ORC4: variants seen among roughly 807,000 people sequenced by gnomAD.
The protein encoded by ORC4 is origin recognition complex, subunit 4 homolog.
Under a neutral mutation model 63.9 loss-of-function variants are expected in ORC4, and 55 were observed. The ratio of observed to expected loss-of-function variants is 0.86; its 90% CI spans 0.69 to 1.08. ORC4 has a LOEUF of 1.08. ORC4 is among the 50% of genes least tolerant of loss of function. The pLI is 0.00. For missense variants in ORC4, 511 were observed against 504.4 expected, an observed-to-expected ratio of 1.01 and a Z score of -0.13; for synonymous variants, 150 against 168.5, an observed-to-expected ratio of 0.89 and a Z score of 0.85.
chr2:147,950,290 G>C (rs1481397323), intron 8 of ORC4, among the ~76,000 whole-genome samples: 1 of 152,128 alleles, frequency 6.6e-6, no homozygotes, highest in Non-Finnish European at 1.5e-5. Context: ...AGTAAATACT[G>C]TCTTTGTAGT....
chr2:147,973,932 A>T (rs1447159716), intron 2 of ORC4, among the ~76,000 whole-genome samples: 1 of 152,206 alleles, frequency 6.6e-6, no homozygotes, highest in Non-Finnish European at 1.5e-5. Context: ...CATACTCTTT[A>T]AAAAGATGGA....
intron 4 of ORC4, among the ~76,000 whole-genome samples, chr2:147,966,070 G>A (rs1224325464): frequency 6.6e-6 from 1 of 151,898 alleles, no homozygotes; most frequent in Non-Finnish European, 1.5e-5. Context: ...AATAATGACA[G>A]GAACATTAAA....
chr2:147,948,030 C>T, intron 9 of ORC4, 21 bp downstream of exon 9: 1 of 1,593,714 alleles, frequency 6.3e-7, no homozygotes. Context: ...GAACATTTAG[C>T]TTTATTGCCT....
At chr2:148,013,949 T>C (rs1400253481) in intron 1 of ORC4, among the ~76,000 whole-genome samples, 1 of 152,138 alleles carries the variant, frequency 6.6e-6, no homozygotes, top group Non-Finnish European at 1.5e-5. Flanking sequence ...AAACAAACCA[T>C]ACACCAAGTA....
intron 8 of ORC4, 60 bp from the exon 9 acceptor site, chr2:147,948,284 C>CTGTACCAATGTTAGAGGTATAAG: frequency 8.8e-7 from 1 of 1,136,024 alleles, no homozygotes; most frequent in Non-Finnish European, 1.3e-6. Flanking sequence ...AACAAAAACA[C>CTGTACCAATGTTAGAGGTATAAG]TGTACCAATG....
At chr2:147,955,479 T>C in intron 6 of ORC4, 84 bp from the exon 7 acceptor site, 2 of 907,952 alleles carry the variant, frequency 2.2e-6, no homozygotes, top group Middle Eastern at 2.4e-4. Flanking sequence ...AAATTTTATA[T>C]AAACACTGTA....
At chr2:147,975,774 C>T in intron 2 of ORC4, 128 bp downstream of exon 2, 2 of 712,250 alleles carry the variant, frequency 2.8e-6, no homozygotes, top group East Asian at 5.2e-5. Flanking sequence ...GTACTGATAT[C>T]TCCCTAAGGT....
chr2:147,965,438 T>A (rs1206910553), intron 4 of ORC4, among the ~76,000 whole-genome samples: 1 of 150,960 alleles, frequency 6.6e-6, no homozygotes, highest in East Asian at 1.9e-4. Flanking sequence ...AGATATCCTA[T>A]GAAAATGGAA....
chr2:147,966,118 T>C (rs1689878476), intron 4 of ORC4, among the ~76,000 whole-genome samples: 2 of 151,922 alleles, frequency 1.3e-5, no homozygotes, highest in South Asian at 4.1e-4. Context: ...AACATGCCCA[T>C]GAACAATGGG....
chr2:147,977,531 C>A (rs762286744), intron 1 of ORC4, among the ~76,000 whole-genome samples: 1 of 152,130 alleles, frequency 6.6e-6, no homozygotes, highest in East Asian at 1.9e-4. Context: ...TTCAGGCAGG[C>A]GTCTGTGAAA....
At chr2:147,948,452 T>C (rs1688773162) in intron 8 of ORC4, among the ~76,000 whole-genome samples, 1 of 152,094 alleles carries the variant, frequency 6.6e-6, no homozygotes, top group South Asian at 2.1e-4. Flanking sequence ...TACTCTCAGC[T>C]AATCTGTAAC....
chr2:148,015,332 T>G (rs1693212476), intron 1 of ORC4, among the ~76,000 whole-genome samples: 1 of 138,226 alleles, frequency 7.2e-6, no homozygotes, highest in Non-Finnish European at 1.6e-5. Context: ...TTTTTTTTTT[T>G]GAGATGGAGT....
intron 13 of ORC4, chr2:147,936,664 T>C (rs1171330723): frequency 6.6e-6 from 1 of 152,196 alleles, no homozygotes; most frequent in African/African-American, 2.4e-5. Context: ...ATTTAAAACA[T>C]TTCTAAATAG....
chr2:147,935,735 G>T, intron 13 of ORC4, 37 bp from the exon 14 acceptor site: 1 of 1,550,614 alleles, frequency 6.4e-7, no homozygotes, highest in Non-Finnish European at 8.9e-7. Context: ...TTGAATAGGA[G>T]AGGAGAGTGA....
chr2:148,006,526 G>C (rs1031354209), intron 1 of ORC4, among the ~76,000 whole-genome samples: 3 of 152,124 alleles, frequency 2.0e-5, no homozygotes, highest in Admixed American at 2.0e-4. Context: ...ACTTCAGCTT[G>C]GGGTAAGGAA....
chr2:148,001,675 T>C (rs184553329), intron 1 of ORC4, among the ~76,000 whole-genome samples: 87 of 152,236 alleles, frequency 5.7e-4, no homozygotes, highest in African/African-American at 2.0e-3. Flanking sequence ...GTAAAGACCA[T>C]TGACACTATG....
At chr2:147,981,712 AC>A (rs1419408124) in intron 1 of ORC4, among the ~76,000 whole-genome samples, 1 of 145,162 alleles carries the variant, frequency 6.9e-6, no homozygotes, top group East Asian at 2.1e-4. Context: ...TAGAAAAAAA[AC>A]ATATAAAATA....
intron 6 of ORC4, 143 bp from the exon 7 acceptor site, chr2:147,955,538 A>C (rs903681130): frequency 8.5e-6 from 5 of 586,132 alleles, no homozygotes; most frequent in Non-Finnish European, 9.2e-6. Context: ...GAGTGTCTCT[A>C]TACTTCCTAT....
At chr2:147,960,414 T>C in intron 4 of ORC4, 1 of 856,922 alleles carries the variant, frequency 1.2e-6, no homozygotes, top group Non-Finnish European at 1.4e-6. Context: ...GTTAGCTTTT[T>C]TCTTGAATAT....
Sources: allele counts gnomAD v4.1 joint callset (sites outside exome capture counted in the v4.1 genomes callset), GRCh38; gene constraint gnomAD v4.1.1; transcripts MANE v1.5; gene names NCBI Gene and HGNC (gene_info 2026-07-23, HGNC 2026-07-21).